Variants in ZNF567 observed in about 807,000 individuals in gnomAD.
ZNF567 encodes zinc finger protein 567.
In ZNF567, 36 loss-of-function variants were observed where a neutral mutation model predicts 53.9. The observed-to-expected ratio is 0.67, with a 90% CI of 0.51 to 0.88. ZNF567 has a LOEUF of 0.88. Among genes scored for constraint, ZNF567 ranks in the 40% least tolerant of loss-of-function variants. The pLI is 0.00. For synonymous variants in ZNF567, 224 were observed against 260.4 expected (o/e 0.86, Z 1.35); for missense variants, 619 against 764.7 (o/e 0.81, Z 2.25).
At chr19:36,679,024 C>T in the ZNF567 span, among the ~76,000 whole-genome samples, 9 of 152,092 alleles carry the variant, frequency 5.9e-5, no homozygotes, top group South Asian at 8.3e-4. Context: ...CGGTGGCTCA[C>T]GCCTGTAATC....
chr19:36,720,214 G>A lies in ZNF567; in HGVS notation c.1490G>A (p.Arg497Gln), dbSNP rs147629276. ...AAGTCATACCTCATTGATCATCACC[G>A]AACTCACACAGGAGAGAAACCATAT... ...RMKSYLIDHH[R>Q]THTGEKPYEC... The change falls in exon 6 of 6, where the codon CGA becomes CAA. Residue 497 changes from arginine (R) to glutamine (Q), a missense_variant. Physicochemically the swap from Arg to Gln is conservative, Grantham distance 43 (BLOSUM62 1). Transcript: ENST00000682579. 30 of 1,613,924 alleles carry A rather than the reference G, an allele frequency of 1.9e-5. No individual in the cohort carries two copies. The highest frequency in any genetic ancestry group is 2.3e-5 in the Non-Finnish European group (27 of 1,180,004).
chr19:36,667,263 C>T, the ZNF567 span, among the ~76,000 whole-genome samples: 1 of 151,812 alleles, frequency 6.6e-6, no homozygotes, highest in African/African-American at 2.4e-5. Context: ...TTTTTTTTGG[C>T]CGGGCGCGGT....
chr19:36,724,050 A>G (rs1187343623), downstream of ZNF567, among the ~76,000 whole-genome samples: 1 of 123,366 alleles, frequency 8.1e-6, no homozygotes, highest in East Asian at 2.4e-4. Context: ...CTTATTGCCC[A>G]GGCTGGAGTG....
downstream of ZNF567, among the ~76,000 whole-genome samples, chr19:36,721,732 C>CTTTTTTTTTTTTTTTTTT (rs756276834): frequency 3.3e-5 from 4 of 121,668 alleles, no homozygotes; most frequent in Admixed American, 4.0e-4. Context: ...GTACCAGAGT[C>CTTTTTTTTTTTTTTTTTT]TTTTTTTTTT....
chr19:36,684,035 A>ATTG (rs2038226177), upstream of ZNF567, among the ~76,000 whole-genome samples: 1 of 152,210 alleles, frequency 6.6e-6, no homozygotes, highest in Non-Finnish European at 1.5e-5. Context: ...TCACATGTGC[A>ATTG]CAGAAAAGGC....
intron 2 of ZNF567, among the ~76,000 whole-genome samples, chr19:36,692,793 C>T (rs1306860802): frequency 4.6e-5 from 7 of 152,108 alleles, no homozygotes; most frequent in African/African-American, 1.4e-4. Flanking sequence ...TTCTGTGGAT[C>T]TATAATCATT....
chr19:36,723,391 G>A, downstream of ZNF567: 1 of 621,360 alleles, frequency 1.6e-6, no homozygotes, highest in Non-Finnish European at 2.9e-6. Flanking sequence ...TGATTATCAT[G>A]AAATAGCCAT....
chr19:36,715,740 G>A (rs977560499), intron 5 of ZNF567, among the ~76,000 whole-genome samples: 3 of 151,258 alleles, frequency 2.0e-5, no homozygotes, highest in African/African-American at 7.3e-5. Context: ...TGTTGGTCAG[G>A]CTGGTCTTGA....
In ZNF567 at chr19:36,689,498, G is replaced by C. The variant is rs1245026188; in HGVS notation, c.-67+1G>C. On this transcript the variant is annotated splice_donor_variant, in intron 2 of 5. Transcript: ENST00000682579. LOFTEE classifies it low-confidence loss of function (5UTR_SPLICE). ...ATGACTGATACCACTATAATTTAGT[G>C]TAAGTCATCTCTTACCTTCCAAGAG... The C allele has an allele frequency of 6.6e-6, 1 of 152,066 alleles. No individual in the cohort carries two copies. 9.4% of individuals were successfully genotyped at this position (152,066 alleles called of 1,614,324 possible).
chr19:36,691,721 T>G (rs1168620967), intron 2 of ZNF567, among the ~76,000 whole-genome samples: 1 of 152,248 alleles, frequency 6.6e-6, no homozygotes, highest in Non-Finnish European at 1.5e-5. Flanking sequence ...ATGCAGAATG[T>G]AGCCTTTTGA....
At chr19:36,673,140 C>G in the ZNF567 span, among the ~76,000 whole-genome samples, 1 of 152,168 alleles carries the variant, frequency 6.6e-6, no homozygotes, top group Non-Finnish European at 1.5e-5. Context: ...GCATTAACAT[C>G]ATCCAGACTT....
Position 36,720,471 on chromosome 19 carries a change from CA to C in ZNF567, c.1748del (p.His583LeufsTer67). ...ATATCTCATTCATCATCAAAGAACT[CA>C]TACGGGAGAGAAACCATATAAATGT... ...KSYLIHHQRT[H>X]TGEKPYKCSE... On this transcript the variant is annotated frameshift_variant, in exon 6 of 6. Coordinates refer to ENST00000682579, the MANE Select transcript of ZNF567 (RefSeq NM_001322917.1). LOFTEE classifies it high-confidence loss of function. 1.2e-6 allele frequency: 2 copies of C among 1,613,962 alleles called. No individual in the cohort carries two copies. Among genetic ancestry groups the C allele is most frequent in the Non-Finnish European group, 1.7e-6 (2 of 1,179,974 alleles).
At chr19:36,675,500 C>T in the ZNF567 span, among the ~76,000 whole-genome samples, 2 of 152,178 alleles carry the variant, frequency 1.3e-5, no homozygotes, top group African/African-American at 4.8e-5. Flanking sequence ...TCGTGAAACC[C>T]TGTCTCTACT....
the ZNF567 span, among the ~76,000 whole-genome samples, chr19:36,673,928 C>G: frequency 6.6e-6 from 1 of 152,106 alleles, no homozygotes; most frequent in African/African-American, 2.4e-5. Flanking sequence ...ATTTCAAAGT[C>G]CTCAGTCTTT....
chr19:36,682,610 A>ATTTTT, the ZNF567 span, among the ~76,000 whole-genome samples: 1 of 139,052 alleles, frequency 7.2e-6, no homozygotes, highest in African/African-American at 2.7e-5. Flanking sequence ...TATTATTATT[A>ATTTTT]TTATTTTTTT....
intron 2 of ZNF567, among the ~76,000 whole-genome samples, chr19:36,692,161 G>T (rs1478326102): frequency 1.3e-5 from 2 of 152,166 alleles, no homozygotes; most frequent in Non-Finnish European, 2.9e-5. Flanking sequence ...GTTTGTCATG[G>T]ATAGATACTC....
the ZNF567 span, among the ~76,000 whole-genome samples, chr19:36,678,998 G>A: frequency 2.7e-5 from 4 of 150,082 alleles, no homozygotes; most frequent in South Asian, 4.2e-4. Flanking sequence ...TTAAAGCCAC[G>A]ATGAGGGGCC....
chr19:36,676,884 G>A, the ZNF567 span, among the ~76,000 whole-genome samples: 8 of 152,108 alleles, frequency 5.3e-5, no homozygotes, highest in African/African-American at 1.7e-4. Flanking sequence ...GGCCGGGCGC[G>A]GTGGCTCATG....
chr19:36,698,194 G>A (rs1177551034), intron 3 of ZNF567, among the ~76,000 whole-genome samples: 2 of 151,970 alleles, frequency 1.3e-5, no homozygotes, highest in African/African-American at 2.4e-5. Context: ...TTGTCCTTGT[G>A]ATAGTTTACG....
Sources: allele counts gnomAD v4.1 joint callset (sites outside exome capture counted in the v4.1 genomes callset), GRCh38; gene constraint gnomAD v4.1.1; transcripts MANE v1.5; gene names NCBI Gene and HGNC (gene_info 2026-07-23, HGNC 2026-07-21).